The following LMLN variants were observed in gnomAD, a reference collection of about 807,000 sequenced individuals.
LMLN encodes the protein leishmanolysin-like peptidase.
LMLN carries 70 observed loss-of-function variants against 92.3 expected under a neutral mutation model. The ratio of observed to expected loss-of-function variants is 0.76; its 90% CI spans 0.63 to 0.92. The LOEUF is 0.92. Among genes scored for constraint, LMLN ranks in the 40% least tolerant of loss-of-function variants. The pLI is 0.00. For missense variants in LMLN, 691 were observed against 814.6 expected, an observed-to-expected ratio of 0.85 and a Z score of 1.85; for synonymous variants, 308 against 296.2, an observed-to-expected ratio of 1.04 and a Z score of -0.41.
At chr3:197,980,678 T>G in intron 6 of LMLN, 174 bp downstream of exon 6, 1 of 507,964 alleles carries the variant, frequency 2.0e-6, no homozygotes, top group Non-Finnish European at 3.4e-6. Flanking sequence ...GATTAGACTG[T>G]TATTAATGTG....
At chr3:198,001,039 T>C (rs6768307) in intron 11 of LMLN, among the ~76,000 whole-genome samples, 47,296 of 152,052 alleles carry the variant, frequency 0.31, 9,542 homozygotes, top group African/African-American at 0.58. Context: ...ATGCCCCCTC[T>C]ACTCCCTCAC....
Position 197,976,013 on chromosome 3 carries a change from T to G in LMLN, c.349-16T>G, listed in dbSNP as rs749937546. The stretch of plus-strand genomic sequence containing the variant: ...CCTTATAATTCTGTTTCTTTTTTTT[T>G]TTAACTTTTATTTAGAACAAGCTTT... On this transcript the variant is annotated splice_polypyrimidine_tract_variant and intron_variant, in intron 3 of 15. Transcript: ENST00000330198. 6.8e-7 allele frequency: 1 copy of G among 1,473,172 alleles called. No homozygotes were observed. The highest frequency in any genetic ancestry group is 1.2e-5 in the South Asian group (1 of 81,862). 91.3% of individuals were successfully genotyped at this position (1,473,172 alleles called of 1,614,324 possible). A position where few individuals can be genotyped will look rare whatever the true frequency, so the allele number is the denominator to read the frequency against.
At chr3:198,041,949 C>T (rs1360206679) in exon 16 of LMLN, 1 of 151,898 alleles carries the variant, frequency 6.6e-6, no homozygotes, top group African/African-American at 2.4e-5. Context: ...ATTATATTTG[C>T]ACTAATGGCT....
intron 1 of LMLN, among the ~76,000 whole-genome samples, chr3:197,961,287 G>A (rs1480279801): frequency 1.3e-5 from 2 of 152,178 alleles, no homozygotes; most frequent in Non-Finnish European, 2.9e-5. Flanking sequence ...TTAGGTCAGA[G>A]GTGGGTCCAC....
intron 6 of LMLN, 124 bp downstream of exon 6, chr3:197,980,628 T>G (rs753027596): frequency 1.7e-5 from 15 of 893,832 alleles, no homozygotes; most frequent in Non-Finnish European, 2.6e-5. Flanking sequence ...TAGACAGGAA[T>G]AGCATGCTGC....
Position 198,019,384 on chromosome 3 carries a change from A to G in LMLN, c.1364A>G (p.Gln455Arg). The change falls in exon 12 of 16, where the codon CAG becomes CGG. Residue 455 changes from glutamine to arginine, a missense_variant and splice_region_variant. Coordinates refer to ENST00000330198, the Ensembl canonical transcript of LMLN. This position sits in a 1 kb window ranked among gnomAD's most constrained non-coding sequence, Gnocchi z 5.5. ...CCTAAGCCTTTACCACAGGAATACC[A>G]GGTAGAACAGGGCTGGGGCACAGTT... The G allele has an allele frequency of 6.2e-7, 1 of 1,612,824 alleles. No individual in the cohort carries two copies. The highest frequency in any genetic ancestry group is 8.5e-7 in the Non-Finnish European group (1 of 1,179,694).
At chr3:197,995,634 CT>C (rs912682505) in intron 9 of LMLN, among the ~76,000 whole-genome samples, 1 of 150,730 alleles carries the variant, frequency 6.6e-6, no homozygotes, top group African/African-American at 2.4e-5. Context: ...GGGTGTAACA[CT>C]TTTTTTTTCT....
chr3:197,981,192 T>G (rs1473706155), intron 6 of LMLN, among the ~76,000 whole-genome samples: 1 of 151,622 alleles, frequency 6.6e-6, no homozygotes, highest in Non-Finnish European at 1.5e-5. Flanking sequence ...TGGATCATGG[T>G]GAAACTCTGT....
At chr3:197,980,229 G>T in intron 5 of LMLN, 97 bp from the exon 6 acceptor site, 2 of 979,882 alleles carry the variant, frequency 2.0e-6, no homozygotes, top group Non-Finnish European at 3.1e-6. Context: ...AGATTAAATT[G>T]TACTGTGTTT....
rs1324941002 is a variant in LMLN at position 197,974,402 on chromosome 3, C to G, written c.245C>G (p.Ala82Gly). ...GTCATAAATAAAGTTCATCTTAAGG[C>G]AAATCATGTGGTCAAGAGAGATGTT... Residue 82 changes from alanine (A) to glycine (G), a missense_variant, in exon 2 of 16, where the codon GCA (alanine) becomes GGA (glycine). Around this residue, in one of 4 missense-constraint regions of LMLN, gnomAD observed 240 missense variants for 287.3 expected, o/e 0.84. Coordinates refer to ENST00000330198, the Ensembl canonical transcript of LMLN. 2.5e-6 allele frequency: 4 copies of G among 1,595,980 alleles called. No homozygotes were observed. In the Admixed American group the frequency reaches 7.1e-5, roughly 28 times the overall value.
intron 14 of LMLN, among the ~76,000 whole-genome samples, chr3:198,028,571 A>T (rs1407614599): frequency 6.6e-6 from 1 of 152,228 alleles, no homozygotes; most frequent in Non-Finnish European, 1.5e-5. Flanking sequence ...TTGTGTTCTT[A>T]ACATGTTTTT....
At chr3:197,970,096 G>C (rs1721182392) in intron 1 of LMLN, among the ~76,000 whole-genome samples, 1 of 152,000 alleles carries the variant, frequency 6.6e-6, no homozygotes, top group Non-Finnish European at 1.5e-5. Flanking sequence ...AGGTTGCAGT[G>C]AGCCAAGATT....
chr3:197,967,990 C>A (rs749762174), intron 1 of LMLN, among the ~76,000 whole-genome samples: 1 of 152,186 alleles, frequency 6.6e-6, no homozygotes, highest in Non-Finnish European at 1.5e-5. Flanking sequence ...TTCCCTTGTT[C>A]CCTAAAATTG....
exon 6 of LMLN, chr3:197,980,458 A>G: frequency 6.2e-7 from 1 of 1,614,082 alleles, no homozygotes; most frequent in Non-Finnish European, 8.5e-7. Context: ...CCATGAAAAC[A>G]TCATCTCTTA....
intron 11 of LMLN, among the ~76,000 whole-genome samples, chr3:198,014,463 C>T (rs1434224155): frequency 3.1e-5 from 4 of 130,858 alleles, no homozygotes; most frequent in African/African-American, 3.0e-5. Context: ...CTTCTCTCCA[C>T]CCTTCAGAGC....
chr3:198,025,447 T>C lies in LMLN; in HGVS notation c.1656+659T>C, dbSNP rs12631256. On this transcript the variant is annotated intron_variant, in intron 14 of 15. Coordinates refer to ENST00000330198, the Ensembl canonical transcript of LMLN. The surrounding 1 kb of genome is among the most constrained non-coding windows in gnomAD (Gnocchi z 4.3). Reference sequence around the variant, plus strand: ...GGAGTGCTGCTGCAGTCACGGCTCATTATATCCTCTACCTCCTGGGTTCAA... The same window carrying C: ...GGAGTGCTGCTGCAGTCACGGCTCACTATATCCTCTACCTCCTGGGTTCAA... Among the ~76,000 whole-genome samples, 55,500 of 151,666 alleles carry C rather than the reference T, an allele frequency of 0.37. 14,095 individuals are homozygous for C. Among genetic ancestry groups the C allele is most frequent in the African/African-American group, 0.73 (30,148 of 41,228 alleles).
chr3:197,973,060 C>T (rs1721273614), intron 1 of LMLN, among the ~76,000 whole-genome samples: 1 of 152,172 alleles, frequency 6.6e-6, no homozygotes, highest in Non-Finnish European at 1.5e-5. Flanking sequence ...ACTTGCAAAT[C>T]TCAGAGATAC....
intron 11 of LMLN, among the ~76,000 whole-genome samples, chr3:198,016,290 C>T (rs946357954): frequency 2.0e-5 from 3 of 151,548 alleles, no homozygotes; most frequent in Non-Finnish European, 2.9e-5. Context: ...GTAGTTTCTA[C>T]TAAGGAGTCT....
At chr3:197,963,324 C>T (rs1051752834) in intron 1 of LMLN, among the ~76,000 whole-genome samples, 1 of 151,762 alleles carries the variant, frequency 6.6e-6, no homozygotes, top group Non-Finnish European at 1.5e-5. Flanking sequence ...CTGCCTTAAT[C>T]TCCCAAGTAG....
Sources: allele counts gnomAD v4.1 joint callset (sites outside exome capture counted in the v4.1 genomes callset), GRCh38; gene constraint gnomAD v4.1.1; regional missense constraint gnomAD v4.1.1; non-coding constraint Gnocchi (gnomAD v3.1); transcripts MANE v1.5; gene names NCBI Gene and HGNC (gene_info 2026-07-23, HGNC 2026-07-21).